SLC38A1: variants seen among roughly 807,000 people sequenced by gnomAD.
SLC38A1 encodes the protein sodium-coupled neutral amino acid symporter 1.
A neutral mutation model predicts 60.3 loss-of-function variants in SLC38A1; 18 were observed. The observed-to-expected ratio is 0.30, with a 90% CI of 0.21 to 0.44. The LOEUF (loss-of-function observed/expected upper bound fraction) is 0.44. SLC38A1 is among the 20% of genes least tolerant of loss of function. The pLI, the probability that SLC38A1 is intolerant of heterozygous loss-of-function variation, is 1.00. For missense variants in SLC38A1, 448 were observed against 587.2 expected (o/e 0.76, Z 2.45); for synonymous variants, 196 against 212.1 (o/e 0.92, Z 0.66).
intron 5 of SLC38A1, among the ~76,000 whole-genome samples, chr12:46,225,680 C>T (rs76889216): frequency 6.6e-6 from 1 of 152,122 alleles, no homozygotes; most frequent in East Asian, 1.9e-4. Context: ...GAAGCTATTG[C>T]GAACAAGCCC....
rs370447330 is a variant in SLC38A1 at position 46,229,290 on chromosome 12, G to A, written c.199-22C>T. 8 of 1,490,362 alleles carry A rather than the reference G, an allele frequency of 5.4e-6. No individual in the cohort carries two copies. In the African/African-American group the frequency reaches 5.5e-5, roughly 10 times the overall value. 92.3% of individuals were successfully genotyped at this position (1,490,362 alleles called of 1,614,324 possible). ...GAATCTGAACAAAGAAACAAACATT[G>A]ACACTAAGCAAAATAATCCCCAAGA... is the stretch of plus-strand genomic sequence containing the variant. On this transcript the variant is annotated intron_variant, in intron 4 of 16. Transcript: ENST00000398637.
At chr12:46,252,355 G>C (rs1259194118) in intron 1 of SLC38A1, among the ~76,000 whole-genome samples, 63 of 152,112 alleles carry the variant, frequency 4.1e-4, no homozygotes. Context: ...GGGCCTGGGG[G>C]AGGGATAGCA....
rs889953528 is a variant in SLC38A1, at chr12:46,183,402, G to C, written c.*5568C>G. On this transcript the variant is annotated 3_prime_UTR_variant, in exon 17 of 17. Transcript: ENST00000398637. ...AATACCTTAGACAGTCTATGTTGGC[G>C]TCAACACTAAAATAAAAGGCAAACA... 6.6e-6 allele frequency: 1 copy of C among 152,142 alleles called. No homozygotes were observed. The highest frequency in any genetic ancestry group is 2.4e-5 in the African/African-American group (1 of 41,436). 9.4% of individuals were successfully genotyped at this position (152,142 alleles called of 1,614,324 possible).
rs114592965 is a variant in SLC38A1 at position 46,230,331 on chromosome 12, G to T, written c.123-692C>A. 4.9e-3 allele frequency among the ~76,000 whole-genome samples: 751 copies of T among 152,272 alleles called. 3 individuals carry two copies. The highest frequency in any genetic ancestry group is 0.017 in the African/African-American group (723 of 41,558). On this transcript the variant is annotated intron_variant, in intron 3 of 16. Transcript: ENST00000398637. The stretch of plus-strand genomic sequence containing the variant: ...ACAGGAGTTCAGACTAGGAAATTAC[G>T]GTGGGAGGCAAGGCATATGGTCGAT...
Position 46,268,801 on chromosome 12 carries a change from T to A in SLC38A1, c.-484A>T, listed in dbSNP as rs1039293550. The A allele has an allele frequency of 4.9e-6, 2 of 408,348 alleles. No individual in the cohort carries two copies. Among genetic ancestry groups the A allele is most frequent in the Admixed American group, 5.1e-5 (2 of 39,332 alleles). The allele number at this position is 408,348 out of a possible 1,614,324, so 25.3% of individuals were successfully genotyped here. ...TGGCTCTCCTCCTTTCCGGGCCGAT[T>A]GCATCAGAATCTCCCCTCACCACCA... On this transcript the variant is annotated 5_prime_UTR_variant, in exon 1 of 17. Coordinates refer to ENST00000398637, the MANE Select transcript of SLC38A1 (RefSeq NM_030674.4). The surrounding 1 kb of genome is among the most constrained non-coding windows in gnomAD (Gnocchi z 4.4).
At chr12:46,194,425 T>G (rs1027893943) in intron 16 of SLC38A1, among the ~76,000 whole-genome samples, 1 of 152,206 alleles carries the variant, frequency 6.6e-6, no homozygotes, top group Non-Finnish European at 1.5e-5. Flanking sequence ...GGGTTGCTCT[T>G]CTTGGAGTAT....
intron 16 of SLC38A1, 120 bp downstream of exon 16, chr12:46,197,600 G>A: frequency 1.4e-6 from 1 of 714,510 alleles, no homozygotes; most frequent in Middle Eastern, 4.0e-4. Context: ...CAAAGCTACA[G>A]GGCTTCTGCC....
At chr12:46,267,238 A>T (rs940503881) in intron 1 of SLC38A1, 3 of 152,254 alleles carry the variant, frequency 2.0e-5, no homozygotes, top group Admixed American at 1.3e-4. Context: ...TTTCTAGCAG[A>T]GGCGTCTTTT....
At chr12:46,262,429 T>C (rs921741063) in intron 1 of SLC38A1, among the ~76,000 whole-genome samples, 7 of 152,018 alleles carry the variant, frequency 4.6e-5, no homozygotes, top group Non-Finnish European at 8.8e-5. Context: ...ACAGTGAGTG[T>C]ATATGAGTAG....
At chr12:46,216,383 G>A (rs1056322900) in intron 5 of SLC38A1, among the ~76,000 whole-genome samples, 4 of 152,166 alleles carry the variant, frequency 2.6e-5, no homozygotes, top group Non-Finnish European at 5.9e-5. Flanking sequence ...ACAGCTTCAG[G>A]GGTTTTCCAG....
Position 46,187,800 on chromosome 12 carries a change from T to TC in SLC38A1, c.*1169dup, listed in dbSNP as rs869102437. 1.6e-5 allele frequency: 2 copies of TC among 124,690 alleles called. No homozygotes were observed. Among genetic ancestry groups the TC allele is most frequent in the Admixed American group, 8.6e-5 (1 of 11,584 alleles). 7.7% of individuals were successfully genotyped at this position (124,690 alleles called of 1,614,324 possible). A position where few individuals can be genotyped will look rare whatever the true frequency, so the allele number is the denominator to read the frequency against. On this transcript the variant is annotated 3_prime_UTR_variant, in exon 17 of 17. Transcript: ENST00000398637. Reference sequence around the variant, plus strand: ...TCTGAGGGTTTTTTTTTTTTTTTTTTCACAAGACTAGATGGAGAATTAATG... The same window carrying TC: ...TCTGAGGGTTTTTTTTTTTTTTTTTTCCACAAGACTAGATGGAGAATTAATG...
Position 46,183,854 on chromosome 12 carries a change from AC to A in SLC38A1, c.*5115del, listed in dbSNP as rs1427727177. The A allele has an allele frequency of 6.6e-6, 1 of 152,372 alleles. No homozygotes were observed. The highest frequency in any genetic ancestry group is 1.5e-5 in the Non-Finnish European group (1 of 68,026). 9.4% of individuals were successfully genotyped at this position (152,372 alleles called of 1,614,324 possible). On this transcript the variant is annotated 3_prime_UTR_variant, in exon 17 of 17. Transcript: ENST00000398637. ...AAGTTTACATTGAGAGAACTATGTT[AC>A]CTGGGAGAGAATGTAAATTTTTCTA... is the stretch of plus-strand genomic sequence containing the variant.
At chr12:46,248,508 C>A (rs1411598442) in intron 1 of SLC38A1, among the ~76,000 whole-genome samples, 2 of 152,160 alleles carry the variant, frequency 1.3e-5, no homozygotes, top group African/African-American at 4.8e-5. Context: ...GCACCCAATA[C>A]AGGAGCACCC....
In SLC38A1 at chr12:46,268,780, TCTC is replaced by T. The variant is rs1252784244; in HGVS notation, c.-466_-464del. 8 of 366,502 alleles carry T rather than the reference TCTC, an allele frequency of 2.2e-5. 1 individual carries two copies. The East Asian group carries it at 6.3e-4, about 29-fold the overall frequency. 22.7% of individuals were successfully genotyped at this position (366,502 alleles called of 1,614,324 possible). Reference sequence around the variant, plus strand: ...CCGCCCCAGTCCGCGCTCGCCTGGCTCTCCTCCTTTCCGGGCCGATTGCATCAG... The same window carrying T: ...CCGCCCCAGTCCGCGCTCGCCTGGCTCTCCTTTCCGGGCCGATTGCATCAG... On this transcript the variant is annotated 5_prime_UTR_variant, in exon 1 of 17. Coordinates refer to ENST00000398637, the MANE Select transcript of SLC38A1 (RefSeq NM_030674.4). The surrounding 1 kb of genome is among the most constrained non-coding windows in gnomAD (Gnocchi z 4.4).
intron 5 of SLC38A1, among the ~76,000 whole-genome samples, chr12:46,218,930 TA>T (rs1264110307): frequency 6.6e-6 from 1 of 152,166 alleles, no homozygotes; most frequent in Non-Finnish European, 1.5e-5. Context: ...TGTCAGCTGA[TA>T]CATGGAGTAC....
chr12:46,214,278 G>GA (rs1175748377), intron 5 of SLC38A1, among the ~76,000 whole-genome samples: 1 of 152,044 alleles, frequency 6.6e-6, no homozygotes, highest in Non-Finnish European at 1.5e-5. Context: ...AGCAAAAAAA[G>GA]AAAAAATGAA....
At chr12:46,237,360 T>C (rs1941295279) in intron 3 of SLC38A1, among the ~76,000 whole-genome samples, 1 of 152,204 alleles carries the variant, frequency 6.6e-6, no homozygotes, top group African/African-American at 2.4e-5. Flanking sequence ...GTAGGGACCT[T>C]CAATAAAATT....
chr12:46,202,335 G>A lies in SLC38A1; in HGVS notation c.902+675C>T, dbSNP rs999357786. Among the ~76,000 whole-genome samples the A allele has an allele frequency of 3.3e-5, 5 of 152,108 alleles. No individual in the cohort carries two copies. In the East Asian group the frequency reaches 9.6e-4, roughly 29 times the overall value. On this transcript the variant is annotated intron_variant, in intron 12 of 16. Transcript: ENST00000398637. ...AATGACATCAACTTTGTTTCAAACT[G>A]GAAATAAATACTGATATTGTCGATC...
At chr12:46,216,481 G>C (rs986908669) in intron 5 of SLC38A1, among the ~76,000 whole-genome samples, 1 of 152,266 alleles carries the variant, frequency 6.6e-6, no homozygotes, top group Admixed American at 6.5e-5. Flanking sequence ...AGTGAGGCTC[G>C]AGGACAGGAA....
Sources: allele counts gnomAD v4.1 joint callset (sites outside exome capture counted in the v4.1 genomes callset), GRCh38; gene constraint gnomAD v4.1.1; non-coding constraint Gnocchi (gnomAD v3.1); transcripts MANE v1.5; gene names NCBI Gene and HGNC (gene_info 2026-07-23, HGNC 2026-07-21).